Variants in SH3RF3 observed in about 807,000 individuals in gnomAD.
SH3RF3 encodes the protein SH3 domain containing ring finger 3.
SH3RF3 carries 29 observed loss-of-function variants against 66.3 expected under a neutral mutation model. The observed-to-expected ratio is 0.44, with a 90% CI of 0.33 to 0.60. The LOEUF (loss-of-function observed/expected upper bound fraction) is 0.60, where lower values mean the gene tolerates loss of function less well. Ranked by LOEUF, SH3RF3 falls within the 20% of genes least tolerant of loss-of-function variation. The pLI is 0.04. For synonymous variants in SH3RF3, 583 were observed against 532.0 expected (o/e 1.10, Z -1.32); for missense variants, 1,194 against 1,190.9 (o/e 1.00, Z -0.04).
intron 8 of SH3RF3, among the ~76,000 whole-genome samples, chr2:109,458,020 T>A (rs1207665404): frequency 6.6e-6 from 1 of 151,924 alleles, no homozygotes; most frequent in Non-Finnish European, 1.5e-5. Context: ...TTGTTGTGGT[T>A]TTATTTTGTT....
At chr2:109,388,057 T>C (rs6759953) in intron 3 of SH3RF3, among the ~76,000 whole-genome samples, 79,208 of 151,990 alleles carry the variant, frequency 0.52, 21,099 homozygotes, top group South Asian at 0.61. Context: ...CAGCCTGAAC[T>C]CCTTTAGACA....
chr2:109,177,241 T>C (rs531230229), intron 1 of SH3RF3, among the ~76,000 whole-genome samples: 16 of 152,222 alleles, frequency 1.1e-4, no homozygotes, highest in Admixed American at 1.0e-3. Flanking sequence ...CTGTGCAGGA[T>C]TGTGAAGCAG....
chr2:109,400,884 T>A (rs1676296681), intron 4 of SH3RF3, among the ~76,000 whole-genome samples: 1 of 152,228 alleles, frequency 6.6e-6, no homozygotes, highest in Admixed American at 6.5e-5. Flanking sequence ...CCATTGGGGC[T>A]GCTAGTGCAT....
chr2:109,464,569 T>C (rs960189374), intron 8 of SH3RF3, among the ~76,000 whole-genome samples: 2 of 152,236 alleles, frequency 1.3e-5, no homozygotes, highest in African/African-American at 4.8e-5. Flanking sequence ...CTTCTGCCAA[T>C]TCTGCTCCCT....
chr2:109,367,363 C>T (rs1040597342), intron 2 of SH3RF3, among the ~76,000 whole-genome samples: 1 of 152,126 alleles, frequency 6.6e-6, no homozygotes, highest in Non-Finnish European at 1.5e-5. Context: ...CTTACTGCAA[C>T]CTCTGCCTCC....
At chr2:109,258,032 A>G (rs994195855) in intron 1 of SH3RF3, among the ~76,000 whole-genome samples, 2 of 152,060 alleles carry the variant, frequency 1.3e-5, no homozygotes, top group African/African-American at 2.4e-5. Flanking sequence ...ACACATGTAC[A>G]CTTTCTTATT....
chr2:109,230,461 T>C (rs1249016103), intron 1 of SH3RF3, among the ~76,000 whole-genome samples: 1 of 152,088 alleles, frequency 6.6e-6, no homozygotes, highest in East Asian at 1.9e-4. Context: ...ATGCCTGTTA[T>C]CCCAGTTACT....
intron 2 of SH3RF3, among the ~76,000 whole-genome samples, chr2:109,356,479 C>T (rs1161447873): frequency 6.6e-6 from 1 of 152,186 alleles, no homozygotes; most frequent in African/African-American, 2.4e-5. Flanking sequence ...GTTTTAGATG[C>T]CACATATGGC....
chr2:109,434,058 C>T (rs1404424829), intron 6 of SH3RF3, among the ~76,000 whole-genome samples: 2 of 152,232 alleles, frequency 1.3e-5, no homozygotes, highest in Non-Finnish European at 1.5e-5. Context: ...CTCTCTCAGC[C>T]TGCAACCGGC....
At chr2:109,321,258 T>C (rs1046226080) in intron 1 of SH3RF3, among the ~76,000 whole-genome samples, 1 of 152,228 alleles carries the variant, frequency 6.6e-6, no homozygotes, top group East Asian at 1.9e-4. Flanking sequence ...ATTAGGCTGT[T>C]CTCATTAAAA....
chr2:109,192,378 AATGTGGAGT>A (rs1388696742), intron 1 of SH3RF3, among the ~76,000 whole-genome samples: 1 of 152,238 alleles, frequency 6.6e-6, no homozygotes, highest in Non-Finnish European at 1.5e-5. Context: ...TCATTCTCAA[AATGTGGAGT>A]ATTTATAGCA....
intron 1 of SH3RF3, among the ~76,000 whole-genome samples, chr2:109,335,242 A>G (rs1467499867): frequency 6.6e-6 from 1 of 152,214 alleles, no homozygotes; most frequent in Non-Finnish European, 1.5e-5. Flanking sequence ...CTGTGGGGCA[A>G]GGCCCCTCGC....
chr2:109,240,878 A>G (rs1574523001), intron 1 of SH3RF3, among the ~76,000 whole-genome samples: 1 of 113,650 alleles, frequency 8.8e-6, no homozygotes, highest in African/African-American at 3.6e-5. Flanking sequence ...ACTTGATTCC[A>G]TCTCTCTCTC....
chr2:109,362,617 T>A (rs1367897571), intron 2 of SH3RF3, among the ~76,000 whole-genome samples: 3 of 152,116 alleles, frequency 2.0e-5, no homozygotes, highest in African/African-American at 7.2e-5. Context: ...TTAAGTTCAG[T>A]TATATCCTTA....
At chr2:109,241,785 A>C (rs1679790564) in intron 1 of SH3RF3, among the ~76,000 whole-genome samples, 2 of 142,272 alleles carry the variant, frequency 1.4e-5, no homozygotes, top group Non-Finnish European at 3.0e-5. Context: ...TTTTTTTTTG[A>C]GATGGAGTCT....
chr2:109,452,106 T>C (rs904051185), intron 8 of SH3RF3, among the ~76,000 whole-genome samples: 2 of 152,240 alleles, frequency 1.3e-5, no homozygotes, highest in African/African-American at 4.8e-5. Context: ...CTTGAATTTC[T>C]CCTAATTTGC....
chr2:109,437,028 G>T lies in SH3RF3; in HGVS notation c.1710G>T (p.Leu570=). ...TGGCCACTGCCACCAGGCCCGCCCT[G>T]CCCATCACCACTCCCCAGGCCCACG... ...SSLATATRPA[L]PITTPQAHAQ... Residue 570 remains leucine, a synonymous_variant, in exon 7 of 10, where the codon CTG becomes CTT. Transcript: ENST00000309415. 6.2e-7 allele frequency: 1 copy of T among 1,613,840 alleles called. No individual in the cohort carries two copies. The highest frequency in any genetic ancestry group is 8.5e-7 in the Non-Finnish European group (1 of 1,179,880).
intron 1 of SH3RF3, among the ~76,000 whole-genome samples, chr2:109,277,793 C>A (rs1402452931): frequency 6.6e-6 from 1 of 152,134 alleles, no homozygotes. Context: ...AAATTAAGTT[C>A]TTATACCTGG....
At chr2:109,411,619 C>A (rs1292871381) in intron 4 of SH3RF3, among the ~76,000 whole-genome samples, 1 of 152,174 alleles carries the variant, frequency 6.6e-6, no homozygotes, top group Non-Finnish European at 1.5e-5. Flanking sequence ...TTTTAGTTTT[C>A]ATATCCCTGA....
Sources: allele counts gnomAD v4.1 joint callset (sites outside exome capture counted in the v4.1 genomes callset), GRCh38; gene constraint gnomAD v4.1.1; transcripts MANE v1.5; gene names NCBI Gene and HGNC (gene_info 2026-07-23, HGNC 2026-07-21).